The following TENT4B variants were observed in gnomAD, a reference collection of about 807,000 sequenced individuals.
TENT4B encodes terminal nucleotidyltransferase 4B.
A neutral mutation model predicts 75.0 loss-of-function variants in TENT4B; 10 were observed. That is an observed-to-expected ratio of 0.13 (90% CI 0.08 to 0.23). The LOEUF (loss-of-function observed/expected upper bound fraction) is 0.23. TENT4B is among the 10% of genes least tolerant of loss of function. The pLI, the probability that TENT4B is intolerant of heterozygous loss-of-function variation, is 1.00. For synonymous variants in TENT4B, 350 were observed against 357.7 expected (o/e 0.98, Z 0.24); for missense variants, 579 against 893.8 (o/e 0.65, Z 4.49).
chr16:50,183,564 A>G (rs1481875347), intron 1 of TENT4B, among the ~76,000 whole-genome samples: 1 of 147,716 alleles, frequency 6.8e-6, no homozygotes, highest in Non-Finnish European at 1.5e-5. Context: ...CAGTACTTTG[A>G]ATTCCTGTTT....
At chr16:50,211,827 T>C (rs147927125) in intron 2 of TENT4B, among the ~76,000 whole-genome samples, 53 of 152,306 alleles carry the variant, frequency 3.5e-4, no homozygotes, top group African/African-American at 1.1e-3. Context: ...GGGTAAACAT[T>C]ATATAATTGT....
chr16:50,187,479 A>G (rs990765449), intron 1 of TENT4B, among the ~76,000 whole-genome samples: 43 of 152,208 alleles, frequency 2.8e-4, no homozygotes, highest in African/African-American at 9.6e-4. Flanking sequence ...GCTACTTGGG[A>G]GGCTGAGGCA....
rs911670910 is a variant in TENT4B, at chr16:50,231,862, A to G, written c.*2534A>G. On this transcript the variant is annotated 3_prime_UTR_variant, in exon 12 of 12. Transcript: ENST00000561678. Reference sequence around the variant, plus strand: ...CCTGCTCATTTGTTTTATACATTTCATCTATTTGACTCCTATCTTATTTCT... The same window carrying G: ...CCTGCTCATTTGTTTTATACATTTCGTCTATTTGACTCCTATCTTATTTCT... 1.6e-5 allele frequency: 16 copies of G among 983,260 alleles called. No homozygotes were observed. Among genetic ancestry groups the G allele is most frequent in the Non-Finnish European group, 1.7e-5 (14 of 827,962 alleles). The allele number at this position is 983,260 out of a possible 1,614,324, so 60.9% of individuals were successfully genotyped here. A position where few individuals can be genotyped will look rare whatever the true frequency, so the allele number is the denominator to read the frequency against.
At chr16:50,229,048 C>T (rs1420136006) in intron 11 of TENT4B, 104 bp from the exon 12 acceptor site, 3 of 1,530,114 alleles carry the variant, frequency 2.0e-6, no homozygotes, top group Non-Finnish European at 2.6e-6. Context: ...AACAATCTAG[C>T]CAGCATATTC....
At chr16:50,197,767 T>G (rs967496212) in intron 1 of TENT4B, among the ~76,000 whole-genome samples, 1 of 152,196 alleles carries the variant, frequency 6.6e-6, no homozygotes, top group African/African-American at 2.4e-5. Flanking sequence ...GCTCTGAATT[T>G]GCCTTATTTG....
intron 1 of TENT4B, among the ~76,000 whole-genome samples, chr16:50,192,918 CA>C (rs1433474957): frequency 6.6e-6 from 1 of 152,020 alleles, no homozygotes; most frequent in Non-Finnish European, 1.5e-5. Flanking sequence ...CCTGTCTCTA[CA>C]AAAAATTAGC....
chr16:50,191,304 T>C lies in TENT4B; in HGVS notation c.639-20019T>C, dbSNP rs950788473. On this transcript the variant is annotated intron_variant, in intron 1 of 11. Coordinates refer to ENST00000561678, the MANE Select transcript of TENT4B (RefSeq NM_001365324.3). ...AGTGCCATGCTGTTTTCCACACAGC[T>C]GTACCATTGTACATTCCCCCCAGCA... is the stretch of plus-strand genomic sequence containing the variant. Among the ~76,000 whole-genome samples the C allele has an allele frequency of 3.3e-5, 5 of 152,296 alleles. No individual in the cohort carries two copies. The South Asian group carries it at 1.0e-3, about 32-fold the overall frequency.
At chr16:50,169,114 A>C (rs1567479784) in intron 1 of TENT4B, among the ~76,000 whole-genome samples, 1 of 152,186 alleles carries the variant, frequency 6.6e-6, no homozygotes, top group Non-Finnish European at 1.5e-5. Flanking sequence ...TCCCATAATA[A>C]TTTTTAAAAG....
Position 50,229,512 on chromosome 16 carries a change from A to AAAACG in TENT4B, c.*188_*189insGAAAC, listed in dbSNP as rs1168825843. The AAAACG allele has an allele frequency of 8.0e-7, 1 of 1,250,672 alleles. No homozygotes were observed. Among genetic ancestry groups the AAAACG allele is most frequent in the African/African-American group, 1.6e-5 (1 of 64,376 alleles). The allele number at this position is 1,250,672 out of a possible 1,614,324, so 77.5% of individuals were successfully genotyped here. ...CTGACAACTGCAAAAAAAACAAAAC[A>AAAACG]AAACAAAAAAAAAAGCAAGCAAAAA... On this transcript the variant is annotated 3_prime_UTR_variant, in exon 12 of 12. Coordinates refer to ENST00000561678, the MANE Select transcript of TENT4B (RefSeq NM_001365324.3).
intron 1 of TENT4B, among the ~76,000 whole-genome samples, chr16:50,207,748 G>A (rs1318798028): frequency 1.3e-5 from 2 of 152,112 alleles, no homozygotes; most frequent in Non-Finnish European, 2.9e-5. Flanking sequence ...GCTTTCAGAG[G>A]CATAAAATTA....
At position 50,230,102 on chromosome 16, in the gene TENT4B, G is replaced by A. The variant is rs577279277; in HGVS notation, c.*774G>A. On this transcript the variant is annotated 3_prime_UTR_variant, in exon 12 of 12. Coordinates refer to ENST00000561678, the MANE Select transcript of TENT4B (RefSeq NM_001365324.3). ...AAAGAAAAGGTTTATGGTGGCAAAT[G>A]ATGTTTATTTTATTTTGTAAAAAAA... 37 of 983,472 alleles carry A rather than the reference G, an allele frequency of 3.8e-5. No homozygotes were observed. The African/African-American group carries it at 6.0e-4, about 16-fold the overall frequency. The allele number at this position is 983,472 out of a possible 1,614,324, so 60.9% of individuals were successfully genotyped here. A position where few individuals can be genotyped will look rare whatever the true frequency, so the allele number is the denominator to read the frequency against.
rs766664482 is a variant in TENT4B at position 50,227,965 on chromosome 16, C to G, written c.1927C>G (p.Gln643Glu). ...GGCAGTTGGGAAAATGCAAAGCACC[C>G]AAACCACTAACACATCCAACAGCAC... ...SQAVGKMQST[Q>E]TTNTSNSTNK... The change falls in exon 11 of 12, where the codon CAA becomes GAA. Residue 643 changes from glutamine (Q) to glutamate (E), a missense_variant. Physicochemically the swap from Gln to Glu is conservative, Grantham distance 29. Coordinates refer to ENST00000561678, the MANE Select transcript of TENT4B (RefSeq NM_001365324.3). The G allele has an allele frequency of 1.2e-6, 2 of 1,613,988 alleles. No homozygotes were observed. Among genetic ancestry groups the G allele is most frequent in the Non-Finnish European group, 1.7e-6 (2 of 1,179,894 alleles).
At chr16:50,222,258 TCTGTTG>T (rs766343826) in intron 5 of TENT4B, 42 bp from the exon 6 acceptor site, 1 of 1,522,238 alleles carries the variant, frequency 6.6e-7, no homozygotes, top group South Asian at 1.2e-5. Flanking sequence ...AATGCTTAGA[TCTGTTG>T]CTGATACAGG....
chr16:50,179,257 G>A (rs62029957), intron 1 of TENT4B, among the ~76,000 whole-genome samples: 2,057 of 152,280 alleles, frequency 0.014, 20 homozygotes, highest in Middle Eastern at 0.027. Context: ...AGCTACTTGG[G>A]AGGCTGAGGC....
At chr16:50,199,019 T>C (rs1474841616) in intron 1 of TENT4B, among the ~76,000 whole-genome samples, 1 of 152,258 alleles carries the variant, frequency 6.6e-6, no homozygotes, top group Non-Finnish European at 1.5e-5. Context: ...ATCTCTCCCC[T>C]GACTTTGATT....
At chr16:50,203,101 T>C (rs2030749231) in intron 1 of TENT4B, among the ~76,000 whole-genome samples, 1 of 152,220 alleles carries the variant, frequency 6.6e-6, no homozygotes, top group East Asian at 1.9e-4. Context: ...CAAGGAAGGG[T>C]TGCCATAGCA....
intron 1 of TENT4B, among the ~76,000 whole-genome samples, chr16:50,194,681 C>T (rs916412361): frequency 2.0e-5 from 3 of 151,854 alleles, no homozygotes; most frequent in Admixed American, 6.6e-5. Flanking sequence ...ACCCCTCCAC[C>T]CCCACCCGCT....
chr16:50,204,753 A>T (rs1440542908), intron 1 of TENT4B, among the ~76,000 whole-genome samples: 1 of 152,210 alleles, frequency 6.6e-6, no homozygotes, highest in African/African-American at 2.4e-5. Context: ...GTTTTTGTGT[A>T]TTCTTCCAGA....
At chr16:50,161,950 C>G (rs1454084333) in intron 1 of TENT4B, among the ~76,000 whole-genome samples, 1 of 152,128 alleles carries the variant, frequency 6.6e-6, no homozygotes, top group African/African-American at 2.4e-5. Flanking sequence ...TCAGGGCTCC[C>G]TATGCTACCA....
Sources: gnomAD v4.1 joint callset for allele counts (sites outside exome capture counted in the v4.1 genomes callset) on GRCh38, gnomAD v4.1.1 for gene constraint, MANE v1.5 for transcripts, NCBI Gene and HGNC (gene_info 2026-07-23, HGNC 2026-07-21) for gene names.